The following ADCY8 variants were observed in gnomAD, a reference collection of about 807,000 sequenced individuals.
ADCY8 encodes adenylate cyclase 8.
In ADCY8, 51 loss-of-function variants were observed where a neutral mutation model predicts 119.7. The observed-to-expected ratio is 0.43, with a 90% CI of 0.34 to 0.54. The LOEUF is 0.54. ADCY8 is among the 20% of genes least tolerant of loss of function. The pLI, the probability that ADCY8 is intolerant of heterozygous loss-of-function variation, is 0.03. For missense variants in ADCY8, 1,383 were observed against 1,598.8 expected, an observed-to-expected ratio of 0.87 and a Z score of 2.30; for synonymous variants, 665 against 651.0, an observed-to-expected ratio of 1.02 and a Z score of -0.33.
chr8:130,900,531 TCA>T (rs1013968455), intron 7 of ADCY8, among the ~76,000 whole-genome samples: 4 of 152,184 alleles, frequency 2.6e-5, no homozygotes, highest in African/African-American at 9.7e-5. Context: ...TAGGCAGCTA[TCA>T]GTCTTCATCT....
At chr8:130,986,704 G>A (rs576568422) in intron 2 of ADCY8, among the ~76,000 whole-genome samples, 21 of 152,276 alleles carry the variant, frequency 1.4e-4, no homozygotes, top group African/African-American at 4.3e-4. Context: ...TAGCAGTTTG[G>A]GGAAAGAGAC....
intron 11 of ADCY8, 64 bp from the exon 12 acceptor site, chr8:130,836,513 G>T (rs1231905557): frequency 6.5e-7 from 1 of 1,532,698 alleles, no homozygotes. Flanking sequence ...CCTAGCCATG[G>T]ATGCTAGTAG....
chr8:131,014,228 T>C (rs571644629), intron 1 of ADCY8, among the ~76,000 whole-genome samples: 2 of 152,314 alleles, frequency 1.3e-5, no homozygotes, highest in African/African-American at 2.4e-5. Flanking sequence ...GCATTTAGTT[T>C]ACCCTTGCTT....
intron 3 of ADCY8, among the ~76,000 whole-genome samples, chr8:130,949,014 A>C (rs992217961): frequency 1.1e-4 from 17 of 152,104 alleles, no homozygotes; most frequent in Non-Finnish European, 2.1e-4. Context: ...TTTCTGCATC[A>C]ATTCTCCTCC....
At chr8:131,008,975 T>G (rs1823211883) in intron 1 of ADCY8, among the ~76,000 whole-genome samples, 1 of 152,144 alleles carries the variant, frequency 6.6e-6, no homozygotes, top group Admixed American at 6.5e-5. Flanking sequence ...TTAGGGTAAC[T>G]AGTGGAAGAA....
chr8:130,993,700 G>A (rs1586638688), intron 1 of ADCY8, among the ~76,000 whole-genome samples: 3 of 152,250 alleles, frequency 2.0e-5, no homozygotes, highest in Admixed American at 2.0e-4. Flanking sequence ...TGTAAGACAT[G>A]CCTTTCTCCT....
chr8:130,788,995 A>C (rs1352597135), intron 15 of ADCY8, among the ~76,000 whole-genome samples: 1 of 152,218 alleles, frequency 6.6e-6, no homozygotes, highest in Non-Finnish European at 1.5e-5. Context: ...AATAGAAAGC[A>C]GATCAATAGT....
At chr8:131,020,388 C>T (rs897983415) in intron 1 of ADCY8, among the ~76,000 whole-genome samples, 2 of 152,218 alleles carry the variant, frequency 1.3e-5, no homozygotes, top group African/African-American at 2.4e-5. Context: ...ATTCAGCAGG[C>T]AAACTTGCAA....
intron 9 of ADCY8, among the ~76,000 whole-genome samples, chr8:130,852,481 G>A (rs574795559): frequency 5.9e-5 from 9 of 152,256 alleles, no homozygotes; most frequent in South Asian, 4.1e-4. Context: ...GAATGCAGGC[G>A]GATCGCTTTG....
chr8:130,921,861 A>G (rs1396595546), intron 5 of ADCY8, among the ~76,000 whole-genome samples: 1 of 152,150 alleles, frequency 6.6e-6, no homozygotes, highest in East Asian at 1.9e-4. Flanking sequence ...TGTCCCACAT[A>G]TTTCATGTAT....
rs1368787752 is a variant in ADCY8 at position 130,943,162 on chromosome 8, C to A, written c.1353+189G>T. 5 of 478,234 alleles carry A rather than the reference C, an allele frequency of 1.0e-5. 1 individual carries two copies. Among genetic ancestry groups the A allele is most frequent in the African/African-American group, 1.9e-5 (1 of 51,300 alleles). The allele number at this position is 478,234 out of a possible 1,614,324, so 29.6% of individuals were successfully genotyped here. On this transcript the variant is annotated intron_variant, in intron 4 of 17. Transcript: ENST00000286355. ...CAATTGAGAAAATTAATCTGACAAA[C>A]CTCCTGCATGAGACCTGTAAATAGC...
At chr8:130,869,932 C>CTTT (rs1818278345) in intron 8 of ADCY8, among the ~76,000 whole-genome samples, 2 of 145,398 alleles carry the variant, frequency 1.4e-5, no homozygotes, top group Admixed American at 6.9e-5. Flanking sequence ...TCCTCCTCCT[C>CTTT]CTCCTCCTCT....
chr8:131,027,116 A>G (rs190688315), intron 1 of ADCY8, among the ~76,000 whole-genome samples: 6 of 152,276 alleles, frequency 3.9e-5, no homozygotes, highest in Admixed American at 3.3e-4. Flanking sequence ...TGCTTGAAGG[A>G]CTGCTCATTT....
chr8:130,874,240 G>GGAGGTT (rs1211037350), intron 8 of ADCY8, among the ~76,000 whole-genome samples: 1 of 151,878 alleles, frequency 6.6e-6, no homozygotes, highest in Non-Finnish European at 1.5e-5. Flanking sequence ...CCCAGGAGGT[G>GGAGGTT]GAGGTTGCAG....
intron 1 of ADCY8, among the ~76,000 whole-genome samples, chr8:131,025,922 T>C (rs1461832845): frequency 2.0e-5 from 3 of 152,242 alleles, no homozygotes; most frequent in Non-Finnish European, 4.4e-5. Flanking sequence ...GATTATTTGA[T>C]GGATGACTGT....
intron 2 of ADCY8, among the ~76,000 whole-genome samples, chr8:130,963,005 A>T (rs927756936): frequency 1.3e-5 from 2 of 152,216 alleles, no homozygotes; most frequent in East Asian, 3.8e-4. Flanking sequence ...TTTTCATTCC[A>T]TTATACGTAT....
At position 130,903,876 on chromosome 8, in the gene ADCY8, T is replaced by C; in HGVS notation, c.1807A>G (p.Lys603Glu). 1 of 1,614,084 alleles carries C rather than the reference T, an allele frequency of 6.2e-7. No individual in the cohort carries two copies. The highest frequency in any genetic ancestry group is 8.5e-7 in the Non-Finnish European group (1 of 1,180,022). The change falls in exon 7 of 18, where the codon AAG becomes GAG. Residue 603 changes from lysine (K) to glutamate (E), a missense_variant. Physicochemically the swap from Lys to Glu is moderately conservative, Grantham distance 56 (BLOSUM62 1). Coordinates refer to ENST00000286355, the MANE Select transcript of ADCY8 (RefSeq NM_001115.3). ...SLLSLPEDIV[K>E]ESVSSSDRRN... ...CGGTCTGAGGAGCTCACTGACTCCT[T>C]GACGATATCTTCAGGCAAGGACAGC...
intron 5 of ADCY8, among the ~76,000 whole-genome samples, chr8:130,925,160 G>A (rs1220772213): frequency 6.6e-6 from 1 of 152,034 alleles, no homozygotes; most frequent in African/African-American, 2.4e-5. Flanking sequence ...AGCCAAGATC[G>A]CGCCACTGCA....
In ADCY8 at chr8:130,792,766, A is replaced by C. The variant is rs552505059; in HGVS notation, c.3061-7291T>G. Among the ~76,000 whole-genome samples the C allele has an allele frequency of 2.6e-5, 4 of 152,268 alleles. No individual in the cohort carries two copies. The East Asian group carries it at 7.7e-4, about 29-fold the overall frequency. On this transcript the variant is annotated intron_variant, in intron 15 of 17. Coordinates refer to ENST00000286355, the MANE Select transcript of ADCY8 (RefSeq NM_001115.3). ...ACTCTTGACCCTGTTCTTCACACAG[A>C]GCTGAGAGGAACCCTGTTAAAATCA... is the stretch of plus-strand genomic sequence containing the variant.
Sources: gnomAD v4.1 joint callset for allele counts (sites outside exome capture counted in the v4.1 genomes callset) on GRCh38, gnomAD v4.1.1 for gene constraint, MANE v1.5 for transcripts, NCBI Gene and HGNC (gene_info 2026-07-23, HGNC 2026-07-21) for gene names.